The following CFAP47 variants were observed in gnomAD, a reference collection of about 807,000 sequenced individuals.
CFAP47 encodes cilia- and flagella-associated protein 47.
Under a neutral mutation model 148.1 loss-of-function variants are expected in CFAP47, and 29 were observed. That is an observed-to-expected ratio of 0.20 (90% CI 0.15 to 0.27). The LOEUF (loss-of-function observed/expected upper bound fraction) is 0.27. Ranked by LOEUF, CFAP47 falls within the 10% of genes least tolerant of loss-of-function variation. CFAP47 has a pLI of 1.00. For missense variants in CFAP47, 1,872 were observed against 1,697.5 expected (o/e 1.10, Z -1.81); for synonymous variants, 664 against 577.3 (o/e 1.15, Z -2.15).
intron 57 of CFAP47, among the ~76,000 whole-genome samples, chrX:36,343,957 AT>A (rs1313560260): frequency 1.9e-5 from 2 of 107,652 alleles, no homozygotes; most frequent in African/African-American, 6.8e-5. Context: ...TGAACTCATC[AT>A]TTTTTATGGC....
chrX:35,967,774 G>T lies in CFAP47; in HGVS notation c.1756G>T (p.Ala586Ser), dbSNP rs765109026. ...AGAGCCAGTGAAGGATATGCTATTA[G>T]CCTTTCCCAATGACCGAGCTGCAAC... ...CEEPVKDMLL[A>S]FPNDRAATIR... Residue 586 changes from alanine to serine, a missense_variant, in exon 10 of 64, where the codon GCC becomes TCC. By Grantham distance (99) the Ala-to-Ser change is moderately conservative. Transcript: ENST00000378653. 1.2e-5 allele frequency: 14 copies of T among 1,208,864 alleles called. No individual in the cohort carries two copies. Among genetic ancestry groups the T allele is most frequent in the South Asian group, 1.8e-5 (1 of 56,827 alleles).
chrX:35,943,693 G>A (rs1008778971), intron 3 of CFAP47, among the ~76,000 whole-genome samples: 5 of 111,691 alleles, frequency 4.5e-5, no homozygotes, highest in African/African-American at 1.6e-4. Context: ...TTTATGGCTT[G>A]ATAATACCAC....
chrX:36,087,599 C>T (rs1938111152), intron 30 of CFAP47, among the ~76,000 whole-genome samples: 2 of 112,090 alleles, frequency 1.8e-5, no homozygotes, highest in African/African-American at 6.5e-5. Context: ...GAAACCACAT[C>T]TCATTCATCT....
intron 45 of CFAP47, among the ~76,000 whole-genome samples, chrX:36,214,558 T>C (rs1344832166): frequency 8.9e-6 from 1 of 112,007 alleles, no homozygotes; most frequent in African/African-American, 3.2e-5. Context: ...CTAAAACATA[T>C]GTAGCTGTAC....
At chrX:36,059,633 C>T (rs781759721) in intron 26 of CFAP47, among the ~76,000 whole-genome samples, 129 of 111,994 alleles carry the variant, frequency 1.2e-3, no homozygotes, top group Non-Finnish European at 2.1e-3. Context: ...GTTTAGATTC[C>T]TTCTGTGTAT....
chrX:35,965,806 G>C (rs1936393368), intron 8 of CFAP47, among the ~76,000 whole-genome samples: 1 of 110,512 alleles, frequency 9.0e-6, no homozygotes. Flanking sequence ...TCCCTCTTTT[G>C]GCTACTAGGC....
At chrX:35,926,671 A>C (rs1436019059) in intron 2 of CFAP47, among the ~76,000 whole-genome samples, 1 of 111,801 alleles carries the variant, frequency 8.9e-6, no homozygotes, top group Non-Finnish European at 1.9e-5. Flanking sequence ...TTAGTGTTAA[A>C]ATTTAAAGTG....
intron 29 of CFAP47, among the ~76,000 whole-genome samples, chrX:36,075,856 C>T (rs1216171203): frequency 2.7e-5 from 3 of 111,826 alleles, no homozygotes; most frequent in African/African-American, 6.5e-5. Flanking sequence ...CTGCAAATGA[C>T]ATGATTTCAT....
At chrX:36,087,997 G>C (rs1206759371) in intron 30 of CFAP47, among the ~76,000 whole-genome samples, 1 of 111,316 alleles carries the variant, frequency 9.0e-6, no homozygotes, top group Non-Finnish European at 1.9e-5. Flanking sequence ...TCCTCATGTG[G>C]TTTTTCCTCT....
intron 33 of CFAP47, among the ~76,000 whole-genome samples, chrX:36,114,944 A>G (rs1175118496): frequency 1.8e-5 from 2 of 112,192 alleles, no homozygotes; most frequent in African/African-American, 6.5e-5. Context: ...TGGTGGAGGC[A>G]ACTTGGCTTT....
intron 49 of CFAP47, among the ~76,000 whole-genome samples, chrX:36,253,437 G>A (rs912733360): frequency 9.0e-6 from 1 of 111,098 alleles, no homozygotes; most frequent in African/African-American, 3.3e-5. Context: ...AAATACAATT[G>A]CTTCTGAACA....
chrX:36,123,468 T>C (rs779296739), intron 33 of CFAP47, among the ~76,000 whole-genome samples: 178 of 111,962 alleles, frequency 1.6e-3, no homozygotes, highest in South Asian at 0.014. Flanking sequence ...TGGTGTCCTA[T>C]TGTATTGCAG....
chrX:36,026,912 T>A (rs935472327), intron 22 of CFAP47, among the ~76,000 whole-genome samples: 1 of 109,512 alleles, frequency 9.1e-6, no homozygotes, highest in African/African-American at 3.3e-5. Flanking sequence ...TTCTTCAAAA[T>A]TTTGAAACTA....
rs1043698650 is a variant in CFAP47, at chrX:36,293,502, G to A, written c.7687-5475G>A. ...TTCCTTCCTTTTTAGGGACTCAGAG[G>A]TTCCTACGTATAGCTGGAGAAAAAG... On this transcript the variant is annotated intron_variant, in intron 51 of 63. Coordinates refer to ENST00000378653, the MANE Select transcript of CFAP47 (RefSeq NM_001304548.2). 2.7e-5 allele frequency among the ~76,000 whole-genome samples: 3 copies of A among 112,134 alleles called. No individual in the cohort carries two copies. The South Asian group carries it at 1.1e-3, about 41-fold the overall frequency.
intron 8 of CFAP47, among the ~76,000 whole-genome samples, chrX:35,965,101 A>G (rs1936383837): frequency 9.0e-6 from 1 of 111,373 alleles, no homozygotes; most frequent in South Asian, 3.7e-4. Flanking sequence ...TATGGAAATC[A>G]TTGCATTATT....
intron 61 of CFAP47, among the ~76,000 whole-genome samples, chrX:36,362,337 T>C (rs782542303): frequency 1.8e-5 from 2 of 112,155 alleles, no homozygotes; most frequent in Non-Finnish European, 3.8e-5. Flanking sequence ...AACTAGTAGT[T>C]TGCAGCGTCT....
rs146341281 is a variant in CFAP47 at position 36,098,580 on chromosome X, T to G, written c.4917-213T>G. 6.1e-3 allele frequency among the ~76,000 whole-genome samples: 675 copies of G among 111,506 alleles called. 11 individuals are homozygous for G. The highest frequency in any genetic ancestry group is 0.021 in the African/African-American group (642 of 30,700). On this transcript the variant is annotated intron_variant, in intron 30 of 63. Coordinates refer to ENST00000378653, the MANE Select transcript of CFAP47 (RefSeq NM_001304548.2). ...GCTGGCACTCAAACCATAGGACACTTTCTTTTCACTCTTCCCTCCCCTTTC... is the reference window on the plus strand; with the variant it reads ...GCTGGCACTCAAACCATAGGACACTGTCTTTTCACTCTTCCCTCCCCTTTC...
chrX:36,228,523 G>A (rs1940297673), intron 45 of CFAP47, 105 bp from the exon 46 acceptor site: 1 of 464,309 alleles, frequency 2.2e-6, no homozygotes, highest in East Asian at 3.7e-5. Flanking sequence ...ACCTATTCTA[G>A]GTTATGCAGT....
chrX:36,177,550 A>G (rs1291438236), intron 39 of CFAP47, among the ~76,000 whole-genome samples: 1 of 112,333 alleles, frequency 8.9e-6, no homozygotes, highest in African/African-American at 3.2e-5. Context: ...CCTAATTGTG[A>G]CTTAATAATA....
Sources: gnomAD v4.1 joint callset for allele counts (sites outside exome capture counted in the v4.1 genomes callset) on GRCh38, gnomAD v4.1.1 for gene constraint, MANE v1.5 for transcripts, NCBI Gene and HGNC (gene_info 2026-07-23, HGNC 2026-07-21) for gene names.